Variants in SYNPR observed in about 807,000 individuals in gnomAD.
SYNPR encodes synaptoporin.
SYNPR carries 23 observed loss-of-function variants against 32.9 expected under a neutral mutation model. That is an observed-to-expected ratio of 0.70 (90% CI 0.50 to 0.99). The LOEUF (loss-of-function observed/expected upper bound fraction) is 0.99. Among genes scored for constraint, SYNPR ranks in the 50% least tolerant of loss-of-function variants. SYNPR has a pLI of 0.00. For synonymous variants in SYNPR, 146 were observed against 135.9 expected (o/e 1.07, Z -0.52); for missense variants, 318 against 349.3 (o/e 0.91, Z 0.71).
chr3:63,359,013 A>T (rs532232365), intron 2 of SYNPR, among the ~76,000 whole-genome samples: 1 of 152,254 alleles, frequency 6.6e-6, no homozygotes, highest in South Asian at 2.1e-4. Flanking sequence ...GTCTTCCATT[A>T]TTTTTTAATG....
chr3:63,599,045 A>G (rs955834947), intron 4 of SYNPR, among the ~76,000 whole-genome samples: 10 of 152,316 alleles, frequency 6.6e-5, no homozygotes, highest in East Asian at 1.9e-4. Context: ...CCCATATTCA[A>G]TTTAACTGCA....
chr3:63,488,103 G>A (rs184646690), intron 3 of SYNPR, among the ~76,000 whole-genome samples: 4 of 152,234 alleles, frequency 2.6e-5, no homozygotes, highest in African/African-American at 9.6e-5. Flanking sequence ...CCTAAGATGC[G>A]TAGCCAAGAG....
intron 2 of SYNPR, among the ~76,000 whole-genome samples, chr3:63,320,496 A>G (rs549213717): frequency 6.6e-6 from 1 of 152,068 alleles, no homozygotes; most frequent in Non-Finnish European, 1.5e-5. Flanking sequence ...GTAAAAAATT[A>G]AAAAGCCTGA....
At chr3:63,294,970 TAGAA>T (rs2086779570) in intron 2 of SYNPR, among the ~76,000 whole-genome samples, 4 of 152,164 alleles carry the variant, frequency 2.6e-5, no homozygotes, top group Admixed American at 2.6e-4. Flanking sequence ...ATTCTTTTGA[TAGAA>T]AGGCAGAATA....
chr3:63,356,442 T>C (rs6772898), intron 2 of SYNPR, among the ~76,000 whole-genome samples: 5,619 of 152,288 alleles, frequency 0.037, 273 homozygotes, highest in African/African-American at 0.11. Context: ...AATTCTATCT[T>C]AGTTAATCCT....
intron 4 of SYNPR, among the ~76,000 whole-genome samples, chr3:63,566,264 A>G (rs961932703): frequency 3.3e-5 from 5 of 152,180 alleles, no homozygotes; most frequent in Non-Finnish European, 7.3e-5. Context: ...AAGATCTGGG[A>G]AAAATGGGAG....
intron 3 of SYNPR, among the ~76,000 whole-genome samples, chr3:63,524,481 T>C (rs933036379): frequency 1.3e-5 from 2 of 152,074 alleles, no homozygotes; most frequent in African/African-American, 2.4e-5. Context: ...ATCCTATATT[T>C]TAAACAATTG....
chr3:63,303,935 T>C (rs1357484969), intron 2 of SYNPR, among the ~76,000 whole-genome samples: 1 of 151,956 alleles, frequency 6.6e-6, no homozygotes, highest in Non-Finnish European at 1.5e-5. Context: ...AAGTGGATAA[T>C]TCTGGGCAGT....
intron 2 of SYNPR, among the ~76,000 whole-genome samples, chr3:63,315,707 T>C (rs1409513652): frequency 6.6e-6 from 1 of 152,008 alleles, no homozygotes; most frequent in Non-Finnish European, 1.5e-5. Flanking sequence ...GACTTCCTCT[T>C]TACAGCTTTG....
chr3:63,444,234 G>A lies in SYNPR; in HGVS notation c.85-36598G>A, dbSNP rs1700232803. On this transcript the variant is annotated intron_variant, in intron 2 of 5. Transcript: ENST00000478300. Reference sequence around the variant, plus strand: ...TTTAACTACTGCAAAATGACTGTCCGGTCACCGTTGCTGGAAATGATTTTT... The same window carrying A: ...TTTAACTACTGCAAAATGACTGTCCAGTCACCGTTGCTGGAAATGATTTTT... The A allele has an allele frequency of 2.6e-5, 4 of 152,140 alleles. No homozygotes were observed. In the South Asian group the frequency reaches 8.3e-4, roughly 32 times the overall value. 9.4% of individuals were successfully genotyped at this position (152,140 alleles called of 1,614,324 possible). A position where few individuals can be genotyped will look rare whatever the true frequency, so the allele number is the denominator to read the frequency against.
At chr3:63,452,051 C>A in intron 2 of SYNPR, 1 of 701,690 alleles carries the variant, frequency 1.4e-6, no homozygotes, top group Non-Finnish European at 2.6e-6. Flanking sequence ...TTCTCTTTCT[C>A]CCACTGCCTT....
chr3:63,498,344 G>A (rs192953004), intron 3 of SYNPR, among the ~76,000 whole-genome samples: 3 of 152,164 alleles, frequency 2.0e-5, no homozygotes, highest in South Asian at 2.1e-4. Context: ...TCTTGGTGCC[G>A]GGAATCCAGT....
intron 1 of SYNPR, among the ~76,000 whole-genome samples, chr3:63,234,553 C>T (rs2086188116): frequency 6.6e-6 from 1 of 152,174 alleles, no homozygotes; most frequent in African/African-American, 2.4e-5. Flanking sequence ...TAGGTTAATT[C>T]TCCCCAGTTT....
intron 3 of SYNPR, among the ~76,000 whole-genome samples, chr3:63,523,064 C>A (rs1701944436): frequency 6.6e-6 from 1 of 151,886 alleles, no homozygotes; most frequent in African/African-American, 2.4e-5. Context: ...AGAAGTGGAC[C>A]CCTTCAGCAT....
intron 2 of SYNPR, among the ~76,000 whole-genome samples, chr3:63,344,613 GA>G (rs2087413141): frequency 7.3e-6 from 1 of 136,628 alleles, no homozygotes; most frequent in African/African-American, 2.8e-5. Flanking sequence ...GAACCAACAA[GA>G]GGTAGTGCAA....
intron 2 of SYNPR, among the ~76,000 whole-genome samples, chr3:63,364,518 T>C (rs9311874): frequency 0.12 from 18,484 of 152,198 alleles, 2,339 homozygotes; most frequent in African/African-American, 0.31. Flanking sequence ...AACAGTTATA[T>C]CTGGATGCAA....
the SYNPR span, among the ~76,000 whole-genome samples, chr3:63,207,498 A>C: frequency 6.6e-6 from 1 of 152,216 alleles, no homozygotes; most frequent in Non-Finnish European, 1.5e-5. Flanking sequence ...CAATTTGGTA[A>C]GTATTCATGA....
intron 2 of SYNPR, among the ~76,000 whole-genome samples, chr3:63,309,429 T>C (rs748558116): frequency 1.3e-5 from 2 of 152,068 alleles, no homozygotes; most frequent in Non-Finnish European, 2.9e-5. Context: ...CTTGCTTGAT[T>C]CTGGATGTTA....
chr3:63,614,493 T>C (rs575434507), intron 5 of SYNPR, among the ~76,000 whole-genome samples: 1 of 152,250 alleles, frequency 6.6e-6, no homozygotes, highest in South Asian at 2.1e-4. Flanking sequence ...CTTAAGAAAA[T>C]ATTTTATACT....
Sources: gnomAD v4.1 joint callset for allele counts (sites outside exome capture counted in the v4.1 genomes callset) on GRCh38, gnomAD v4.1.1 for gene constraint, MANE v1.5 for transcripts, NCBI Gene and HGNC (gene_info 2026-07-23, HGNC 2026-07-21) for gene names.